The following CA13 variants were observed in gnomAD, a reference collection of about 807,000 sequenced individuals.
CA13 encodes the protein CA-XIII.
CA13 carries 21 observed loss-of-function variants against 31.5 expected under a neutral mutation model. That is an observed-to-expected ratio of 0.67 (90% CI 0.47 to 0.96). CA13 has a LOEUF of 0.96. Among genes scored for constraint, CA13 ranks in the 40% least tolerant of loss-of-function variants. CA13 has a pLI of 0.00. For missense variants in CA13, 315 were observed against 318.9 expected (o/e 0.99, Z 0.09); for synonymous variants, 117 against 111.4 (o/e 1.05, Z -0.32).
At chr8:85,277,292 C>T (rs532621638) in intron 6 of CA13, among the ~76,000 whole-genome samples, 6 of 152,222 alleles carry the variant, frequency 3.9e-5, no homozygotes, top group African/African-American at 1.2e-4. Context: ...CTGAAGCCAG[C>T]GAGACCACGA....
At chr8:85,268,373 G>T (rs1807483336) in intron 5 of CA13, 99 bp from the exon 6 acceptor site, 4 of 1,040,110 alleles carry the variant, frequency 3.8e-6, no homozygotes, top group African/African-American at 1.6e-5. Context: ...ATTCTGTATT[G>T]TTTATGGAAT....
chr8:85,277,337 G>A (rs1392721003), intron 6 of CA13, among the ~76,000 whole-genome samples: 3 of 151,496 alleles, frequency 2.0e-5, no homozygotes, highest in East Asian at 1.9e-4. Context: ...CCAGACATGC[G>A]CGGCCTTAAG....
intron 6 of CA13, among the ~76,000 whole-genome samples, chr8:85,276,230 T>A (rs1807604321): frequency 6.6e-6 from 1 of 152,148 alleles, no homozygotes; most frequent in African/African-American, 2.4e-5. Flanking sequence ...GTGCTCAATT[T>A]CTCGCCCGGC....
chr8:85,259,053 C>A (rs1183856399), intron 2 of CA13, among the ~76,000 whole-genome samples: 1 of 152,202 alleles, frequency 6.6e-6, no homozygotes, highest in African/African-American at 2.4e-5. Context: ...CTCTACCAAG[C>A]TCAAACTGGA....
chr8:85,268,367 T>G (rs368692767), intron 5 of CA13, 105 bp from the exon 6 acceptor site: 4 of 966,014 alleles, frequency 4.1e-6, no homozygotes, highest in East Asian at 2.4e-5. Context: ...GCAGATATTC[T>G]GTATTGTTTA....
Position 85,266,541 on chromosome 8 carries a change from A to G in CA13, c.355-67A>G, listed in dbSNP as rs879861778. 231 of 1,201,674 alleles carry G rather than the reference A, an allele frequency of 1.9e-4. 1 individual carries two copies. The Middle Eastern group carries it at 2.5e-3, about 13-fold the overall frequency. 74.4% of individuals were successfully genotyped at this position (1,201,674 alleles called of 1,614,324 possible). ...GCACCAGAAAATTTGTAAATGTTTT[A>G]TTTGCATTTATGTTTTTCAGGATGT... On this transcript the variant is annotated intron_variant, in intron 3 of 6. Transcript: ENST00000321764.
chr8:85,279,682 C>G (rs150575054), intron 6 of CA13, among the ~76,000 whole-genome samples: 151 of 152,258 alleles, frequency 9.9e-4, no homozygotes, highest in Middle Eastern at 3.4e-3. Context: ...AGCGGTATCA[C>G]TGTGGAGGCA....
chr8:85,258,788 A>T (rs79266169), intron 2 of CA13, among the ~76,000 whole-genome samples: 1 of 145,692 alleles, frequency 6.9e-6, no homozygotes, highest in Admixed American at 6.8e-5. Context: ...AAAAAAAAAA[A>T]GGGCTGAGTG....
In CA13 at chr8:85,245,853, C is replaced by T. The variant is rs200216745; in HGVS notation, c.25C>T (p.Arg9Cys). ...CATGTCGAGGCTCAGCTGGGGATAC[C>T]GCGAGCACAACGGTGAGCGCCTTTT... MSRLSWGY[R>C]EHNGPIHWKE... Residue 9 changes from arginine to cysteine, a missense_variant, in exon 1 of 7, where the codon CGC becomes TGC. Transcript: ENST00000321764. The T allele has an allele frequency of 6.2e-7, 1 of 1,614,136 alleles. No homozygotes were observed. The highest frequency in any genetic ancestry group is 1.3e-5 in the African/African-American group (1 of 75,040).
chr8:85,267,553 A>C (rs1807474721), intron 4 of CA13, among the ~76,000 whole-genome samples: 1 of 152,174 alleles, frequency 6.6e-6, no homozygotes, highest in African/African-American at 2.4e-5. Context: ...TGTCACATCT[A>C]GCTTAGTAGT....
chr8:85,245,973 T>G lies in CA13; in HGVS notation c.37+108T>G, dbSNP rs902331448. ...ACACTGGGCTCGCACATTGAGAAAC[T>G]TTTTCGGTTCCTCTTTAAACTAAGC... On this transcript the variant is annotated intron_variant, in intron 1 of 6. Coordinates refer to ENST00000321764, the MANE Select transcript of CA13 (RefSeq NM_198584.3). 23 of 1,293,196 alleles carry G rather than the reference T, an allele frequency of 1.8e-5. No homozygotes were observed. The Admixed American group carries it at 3.9e-4, about 22-fold the overall frequency. The allele number at this position is 1,293,196 out of a possible 1,614,324, so 80.1% of individuals were successfully genotyped here. A position where few individuals can be genotyped will look rare whatever the true frequency, so the allele number is the denominator to read the frequency against.
intron 3 of CA13, among the ~76,000 whole-genome samples, chr8:85,265,809 T>A (rs548301813): frequency 3.9e-5 from 6 of 152,226 alleles, no homozygotes; most frequent in Non-Finnish European, 8.8e-5. Context: ...ATTTGCCAAT[T>A]AAAAATGCTC....
intron 2 of CA13, among the ~76,000 whole-genome samples, chr8:85,251,177 T>A (rs1813821957): frequency 6.6e-6 from 1 of 152,202 alleles, no homozygotes; most frequent in South Asian, 2.1e-4. Flanking sequence ...ACTTTTTTTG[T>A]ATTTTTAGTA....
chr8:85,256,407 C>T (rs890257313), intron 2 of CA13, among the ~76,000 whole-genome samples: 5 of 152,098 alleles, frequency 3.3e-5, no homozygotes, highest in African/African-American at 9.7e-5. Context: ...GAAAGTCCTG[C>T]TAGGAAGAGC....
rs555510177 is a variant in CA13, at chr8:85,282,123, C to A, written c.*774C>A. On this transcript the variant is annotated 3_prime_UTR_variant, in exon 7 of 7. Transcript: ENST00000321764. ...ATTCCAGTTCATAAAAAGTAGATTA[C>A]GTTTTCCTATAAGGATAATTTTTGC... The A allele has an allele frequency of 6.6e-6, 1 of 152,066 alleles. No individual in the cohort carries two copies. The highest frequency in any genetic ancestry group is 2.4e-5 in the African/African-American group (1 of 41,412). The allele number at this position is 152,066 out of a possible 1,614,324, so 9.4% of individuals were successfully genotyped here.
At chr8:85,281,127 T>A in intron 6 of CA13, 103 bp from the exon 7 acceptor site, 1 of 1,357,712 alleles carries the variant, frequency 7.4e-7, no homozygotes, top group East Asian at 2.4e-5. Flanking sequence ...TTCATTGCAG[T>A]ATTTTTTGTT....
intron 3 of CA13, among the ~76,000 whole-genome samples, chr8:85,263,957 T>C (rs1021363388): frequency 1.3e-5 from 2 of 152,080 alleles, no homozygotes; most frequent in African/African-American, 4.8e-5. Context: ...CAAGTTACGT[T>C]CCCTTGTGAG....
At chr8:85,264,446 T>G (rs1807428229) in intron 3 of CA13, among the ~76,000 whole-genome samples, 1 of 152,194 alleles carries the variant, frequency 6.6e-6, no homozygotes, top group African/African-American at 2.4e-5. Flanking sequence ...TTTGCTTTTT[T>G]TTTGTTTTAA....
intron 6 of CA13, among the ~76,000 whole-genome samples, chr8:85,277,844 A>G (rs1452828538): frequency 6.6e-6 from 1 of 152,114 alleles, no homozygotes; most frequent in Non-Finnish European, 1.5e-5. Context: ...CCTCCCTCTC[A>G]GTCTTCAGAG....
Sources: allele counts gnomAD v4.1 joint callset (sites outside exome capture counted in the v4.1 genomes callset), GRCh38; gene constraint gnomAD v4.1.1; transcripts MANE v1.5; gene names NCBI Gene and HGNC (gene_info 2026-07-23, HGNC 2026-07-21).